Variants in PDE4B observed in about 807,000 individuals in gnomAD.
PDE4B encodes phosphodiesterase 4B.
A neutral mutation model predicts 82.2 loss-of-function variants in PDE4B; 20 were observed. The observed-to-expected ratio is 0.24, with a 90% CI of 0.17 to 0.35. The LOEUF is 0.35. Ranked by LOEUF, PDE4B falls within the 10% of genes least tolerant of loss-of-function variation. PDE4B has a pLI of 1.00. For missense variants in PDE4B, 655 were observed against 907.2 expected, an observed-to-expected ratio of 0.72 and a Z score of 3.57; for synonymous variants, 320 against 318.9, an observed-to-expected ratio of 1.00 and a Z score of -0.04.
At chr1:65,872,086 G>A (rs1300643229) in intron 1 of PDE4B, among the ~76,000 whole-genome samples, 6 of 152,024 alleles carry the variant, frequency 3.9e-5, no homozygotes, top group African/African-American at 1.4e-4. Context: ...TACATAAATT[G>A]TGTATAAGTT....
intron 1 of PDE4B, among the ~76,000 whole-genome samples, chr1:65,892,378 G>A (rs1393730932): frequency 3.3e-5 from 5 of 152,100 alleles, no homozygotes; most frequent in South Asian, 4.2e-4. Context: ...TATTTTAATT[G>A]AGTGACCTTG....
intron 3 of PDE4B, among the ~76,000 whole-genome samples, chr1:66,029,527 T>G (rs1472385179): frequency 1.3e-5 from 2 of 152,206 alleles, no homozygotes; most frequent in Non-Finnish European, 2.9e-5. Flanking sequence ...CAATTTGTCA[T>G]TATTGAAAAT....
chr1:66,099,467 A>G (rs1645179172), intron 3 of PDE4B, among the ~76,000 whole-genome samples: 1 of 152,144 alleles, frequency 6.6e-6, no homozygotes, highest in South Asian at 2.1e-4. Context: ...AGTGGATGCC[A>G]CTTAATGTGT....
At chr1:66,314,495 C>T (rs1031195696) in intron 7 of PDE4B, among the ~76,000 whole-genome samples, 2 of 152,200 alleles carry the variant, frequency 1.3e-5, no homozygotes, top group Non-Finnish European at 2.9e-5. Context: ...TCACTGCAAC[C>T]TCTGTCTCCC....
At chr1:66,309,479 C>T (rs1455186704) in intron 7 of PDE4B, among the ~76,000 whole-genome samples, 1 of 152,204 alleles carries the variant, frequency 6.6e-6, no homozygotes, top group East Asian at 1.9e-4. Context: ...AATTGTAAGA[C>T]AAGAATATGG....
intron 3 of PDE4B, among the ~76,000 whole-genome samples, chr1:66,151,559 C>T (rs1646394460): frequency 6.6e-6 from 1 of 152,184 alleles, no homozygotes; most frequent in Non-Finnish European, 1.5e-5. Flanking sequence ...CTCTTACTCC[C>T]CAGAATGAAC....
intron 3 of PDE4B, among the ~76,000 whole-genome samples, chr1:66,063,737 A>G (rs191031455): frequency 1.4e-3 from 216 of 152,088 alleles, no homozygotes; most frequent in Middle Eastern, 6.8e-3. Context: ...ACATTGGGTA[A>G]AATAGTTTCT....
At chr1:66,159,398 C>T (rs1646564814) in intron 3 of PDE4B, among the ~76,000 whole-genome samples, 1 of 151,204 alleles carries the variant, frequency 6.6e-6, no homozygotes, top group Non-Finnish European at 1.5e-5. Flanking sequence ...TGCCACCACG[C>T]CCAGCTATTT....
chr1:66,325,098 T>C (rs1430197885), intron 7 of PDE4B, among the ~76,000 whole-genome samples: 2 of 152,206 alleles, frequency 1.3e-5, no homozygotes, highest in Non-Finnish European at 2.9e-5. Flanking sequence ...TTACATTTTA[T>C]CAAGTACTTA....
chr1:66,264,542 A>G (rs1048139526), intron 6 of PDE4B, among the ~76,000 whole-genome samples: 1 of 152,206 alleles, frequency 6.6e-6, no homozygotes, highest in Non-Finnish European at 1.5e-5. Flanking sequence ...AGCAATCACT[A>G]TATGATAATT....
intron 3 of PDE4B, among the ~76,000 whole-genome samples, chr1:66,224,773 A>G (rs1252338876): frequency 6.6e-6 from 1 of 152,194 alleles, no homozygotes; most frequent in African/African-American, 2.4e-5. Flanking sequence ...TTCTAAACTA[A>G]TGACCACAAA....
chr1:66,132,387 T>A (rs1467045768), intron 3 of PDE4B, among the ~76,000 whole-genome samples: 3 of 152,202 alleles, frequency 2.0e-5, no homozygotes, highest in Non-Finnish European at 4.4e-5. Flanking sequence ...TAAAATAGGA[T>A]AATAAAACTT....
intron 3 of PDE4B, among the ~76,000 whole-genome samples, chr1:66,016,679 T>C (rs961592173): frequency 6.6e-6 from 1 of 152,142 alleles, no homozygotes; most frequent in Non-Finnish European, 1.5e-5. Context: ...ATATGAGAGA[T>C]AAGAAATGCA....
chr1:66,144,773 C>A (rs761759788), intron 3 of PDE4B, among the ~76,000 whole-genome samples: 4 of 152,146 alleles, frequency 2.6e-5, no homozygotes, highest in Non-Finnish European at 5.9e-5. Flanking sequence ...GGCCATGGTA[C>A]TTTTTCACCA....
intron 1 of PDE4B, among the ~76,000 whole-genome samples, chr1:65,894,642 A>G (rs34448654): frequency 0.17 from 25,930 of 152,202 alleles, 2,430 homozygotes; most frequent in Middle Eastern, 0.3. Context: ...ATTTGTTTTC[A>G]AAACATGTAA....
intron 3 of PDE4B, among the ~76,000 whole-genome samples, chr1:65,977,767 G>A (rs34563152): frequency 1.2e-4 from 19 of 152,156 alleles, no homozygotes; most frequent in African/African-American, 4.6e-4. Context: ...GCTTGCTTTA[G>A]GCACTAAGGA....
chr1:66,026,846 C>T (rs546191895), intron 3 of PDE4B, among the ~76,000 whole-genome samples: 1 of 152,168 alleles, frequency 6.6e-6, no homozygotes, highest in Non-Finnish European at 1.5e-5. Context: ...ACAAACCAAC[C>T]AATTATGGCG....
chr1:66,200,121 G>A (rs1223788220), intron 3 of PDE4B, among the ~76,000 whole-genome samples: 1 of 152,096 alleles, frequency 6.6e-6, no homozygotes, highest in Non-Finnish European at 1.5e-5. Flanking sequence ...ACCATTTCTT[G>A]TTTTTGTCAG....
chr1:66,336,781 G>C (rs1454092248), intron 8 of PDE4B, among the ~76,000 whole-genome samples: 1 of 152,210 alleles, frequency 6.6e-6, no homozygotes, highest in Non-Finnish European at 1.5e-5. Flanking sequence ...TCATGAGGAA[G>C]TGAGTCCTCC....
Sources: gnomAD v4.1 joint callset for allele counts (sites outside exome capture counted in the v4.1 genomes callset) on GRCh38, gnomAD v4.1.1 for gene constraint, MANE v1.5 for transcripts, NCBI Gene and HGNC (gene_info 2026-07-23, HGNC 2026-07-21) for gene names.